Variants in ZC3H4 observed in about 807,000 individuals in gnomAD.
ZC3H4 encodes the protein zinc finger CCCH domain-containing protein 4.
In ZC3H4, 13 loss-of-function variants were observed where a neutral mutation model predicts 108.3. That is an observed-to-expected ratio of 0.12 (90% confidence interval 0.08 to 0.19). ZC3H4 has a LOEUF of 0.19. ZC3H4 is among the 10% of genes least tolerant of loss of function. The pLI is 1.00. For missense variants in ZC3H4, 1,734 were observed against 1,838.8 expected (o/e 0.94, Z 1.04); for synonymous variants, 917 against 749.6 (o/e 1.22, Z -3.65).
At chr19:47,089,869 C>T in intron 5 of ZC3H4, 98 bp downstream of exon 5, 1 of 1,293,306 alleles carries the variant, frequency 7.7e-7, no homozygotes, top group East Asian at 2.4e-5. Context: ...TATCCCAACC[C>T]TAAGTGACCA....
chr19:47,103,762 T>TAAAA (rs748735701), intron 2 of ZC3H4, among the ~76,000 whole-genome samples: 1,463 of 108,372 alleles, frequency 0.013, 27 homozygotes, highest in African/African-American at 0.053. Context: ...CCGTCTCTAC[T>TAAAA]AAAAAAAAAA....
At chr19:47,073,042 G>A (rs1324891493) in intron 11 of ZC3H4, among the ~76,000 whole-genome samples, 1 of 152,202 alleles carries the variant, frequency 6.6e-6, no homozygotes, top group African/African-American at 2.4e-5. Flanking sequence ...GGAGGCCGAG[G>A]TGGGTGGATC....
intron 2 of ZC3H4, among the ~76,000 whole-genome samples, chr19:47,103,292 T>C (rs2057926067): frequency 6.6e-6 from 1 of 152,114 alleles, no homozygotes. Flanking sequence ...AGACTTCTCT[T>C]TGTTTATAAT....
intron 9 of ZC3H4, among the ~76,000 whole-genome samples, chr19:47,083,450 C>T (rs539916655): frequency 7.2e-5 from 11 of 152,102 alleles, no homozygotes; most frequent in Non-Finnish European, 1.3e-4. Context: ...TGCCCGGGCA[C>T]GGTAGCTCAC....
In ZC3H4 at chr19:47,067,330, T is replaced by A. The variant is rs1476198354; in HGVS notation, c.2938A>T (p.Asn980Tyr). ...KPSFARTVLW[N>Y]PEDLIPLPIP... ...GGTAGGGGGATCAGGTCCTCGGGAT[T>A]CCAGAGCACGGTGCGGGCGAAGCTG... Residue 980 changes from asparagine to tyrosine, a missense_variant, in exon 15 of 15, where the codon AAT (asparagine) becomes TAT (tyrosine). Asn to Tyr is a moderately radical substitution (Grantham distance 143, BLOSUM62 -2). This residue lies in a region of ZC3H4 where 518 missense variants were observed against 499.6 expected (regional missense o/e 1.04). Coordinates refer to ENST00000253048, the MANE Select transcript of ZC3H4 (RefSeq NM_015168.2). The surrounding 1 kb of genome is among the most constrained non-coding windows in gnomAD (Gnocchi z 6.4). 1.9e-6 allele frequency: 3 copies of A among 1,599,622 alleles called. No homozygotes were observed. In the African/African-American group the frequency reaches 4.0e-5, roughly 21 times the overall value.
rs772506013 is a variant in ZC3H4 at position 47,094,578 on chromosome 19, C to T, written c.192G>A (p.Leu64=). The T allele has an allele frequency of 1.2e-6, 2 of 1,614,206 alleles. No homozygotes were observed. Among genetic ancestry groups the T allele is most frequent in the Admixed American group, 1.7e-5 (1 of 60,022 alleles). Residue 64 remains leucine, a synonymous_variant, in exon 3 of 15, where the codon TTG becomes TTA. Transcript: ENST00000253048. ...GGGTCTCCTCTGCCCCATCATCTTCCAATTCACCTTCTTCCAACTCTCCAT... is the reference window on the plus strand; with the variant it reads ...GGGTCTCCTCTGCCCCATCATCTTCTAATTCACCTTCTTCCAACTCTCCAT... ...REDGELEEGE[L]EDDGAEETQD...
At chr19:47,074,880 T>G (rs2057391794) in intron 11 of ZC3H4, among the ~76,000 whole-genome samples, 1 of 152,146 alleles carries the variant, frequency 6.6e-6, no homozygotes, top group African/African-American at 2.4e-5. Context: ...AGGGCTGAGT[T>G]TGCCTGTGTC....
intron 11 of ZC3H4, among the ~76,000 whole-genome samples, chr19:47,073,266 T>C (rs183723943): frequency 6.6e-6 from 1 of 151,516 alleles, no homozygotes; most frequent in African/African-American, 2.4e-5. Context: ...GAGGAGACTC[T>C]GTCTCAAAAA....
intron 4 of ZC3H4, among the ~76,000 whole-genome samples, chr19:47,091,197 G>T (rs913078710): frequency 6.6e-6 from 1 of 152,134 alleles, no homozygotes; most frequent in South Asian, 2.1e-4. Context: ...GCTTGAACCC[G>T]CGAGGCAGAG....
At chr19:47,103,988 G>A (rs1344735788) in intron 2 of ZC3H4, among the ~76,000 whole-genome samples, 1 of 151,352 alleles carries the variant, frequency 6.6e-6, no homozygotes, top group African/African-American at 2.4e-5. Context: ...TAAGAGATCT[G>A]GGCCTAAGAT....
chr19:47,093,191 G>A (rs777765094), intron 4 of ZC3H4, among the ~76,000 whole-genome samples: 26 of 145,650 alleles, frequency 1.8e-4, no homozygotes, highest in Non-Finnish European at 9.0e-5. Flanking sequence ...ACTCCAGCCT[G>A]GGCGACAGAG....
chr19:47,100,051 G>A (rs560607139), intron 2 of ZC3H4, among the ~76,000 whole-genome samples: 1 of 152,070 alleles, frequency 6.6e-6, no homozygotes, highest in Non-Finnish European at 1.5e-5. Flanking sequence ...AGGAGGCGCC[G>A]CCTCTTCAAA....
chr19:47,076,128 G>A (rs1258961145), intron 11 of ZC3H4, among the ~76,000 whole-genome samples: 3 of 152,210 alleles, frequency 2.0e-5, no homozygotes, highest in Non-Finnish European at 2.9e-5. Flanking sequence ...GGTCACCAAC[G>A]CTGTTGCCTC....
chr19:47,093,054 A>G (rs1438274285), intron 4 of ZC3H4, among the ~76,000 whole-genome samples: 2 of 151,682 alleles, frequency 1.3e-5, no homozygotes, highest in African/African-American at 4.8e-5. Context: ...GTCTCTACTA[A>G]AAACACAAAA....
intron 5 of ZC3H4, among the ~76,000 whole-genome samples, chr19:47,087,585 T>C (rs1201773314): frequency 1.3e-5 from 2 of 150,986 alleles, no homozygotes; most frequent in African/African-American, 4.9e-5. Flanking sequence ...CTACTAAAAA[T>C]ACAAAAAATT....
chr19:47,105,382 C>G (rs927781620), intron 2 of ZC3H4, among the ~76,000 whole-genome samples: 3 of 152,184 alleles, frequency 2.0e-5, no homozygotes, highest in Non-Finnish European at 2.9e-5. Context: ...GGGTGGATCA[C>G]TCGAGGTCAC....
intron 11 of ZC3H4, among the ~76,000 whole-genome samples, chr19:47,080,411 A>G (rs776599771): frequency 6.6e-6 from 1 of 152,204 alleles, no homozygotes; most frequent in African/African-American, 2.4e-5. Flanking sequence ...TCTCTAATGC[A>G]TAATGGGGGC....
Position 47,067,903 on chromosome 19 carries a change from T to C in ZC3H4, c.2399-34A>G. 1 of 1,543,758 alleles carries C rather than the reference T, an allele frequency of 6.5e-7. No individual in the cohort carries two copies. Among genetic ancestry groups the C allele is most frequent in the Non-Finnish European group, 8.7e-7 (1 of 1,147,204 alleles). On this transcript the variant is annotated intron_variant, in intron 14 of 14. Transcript: ENST00000253048. The surrounding 1 kb of genome is among the most constrained non-coding windows in gnomAD (Gnocchi z 6.4). ...GAACAGAGGAGCAGGGAGGGGTGAG[T>C]GGGCGCATCCACCACCCGCCCTCTT...
rs1314474352 is a variant in ZC3H4 at position 47,086,442 on chromosome 19, C to T, written c.812G>A (p.Gly271Asp). ...CTCCGGGTGGTCTCCTCCCATAGAG[C>T]CTCTGCCCCTGCCTCGGCTGCCCCT... ...MGRGSRGRGR[G>D]SMGGDHPEDE... The change falls in exon 6 of 15, where the codon GGC becomes GAC. Residue 271 changes from glycine (G) to aspartate (D), a missense_variant. Transcript: ENST00000253048. The T allele has an allele frequency of 1.9e-6, 3 of 1,613,180 alleles. No homozygotes were observed. Among genetic ancestry groups the T allele is most frequent in the Non-Finnish European group, 2.5e-6 (3 of 1,179,846 alleles).
Sources: allele counts gnomAD v4.1 joint callset (sites outside exome capture counted in the v4.1 genomes callset), GRCh38; gene constraint gnomAD v4.1.1; regional missense constraint gnomAD v4.1.1; non-coding constraint Gnocchi (gnomAD v3.1); transcripts MANE v1.5; gene names NCBI Gene and HGNC (gene_info 2026-07-23, HGNC 2026-07-21).